Variants in PCDHA10 observed in about 807,000 individuals in gnomAD.
The protein encoded by PCDHA10 is protocadherin alpha 10.
In PCDHA10, 45 loss-of-function variants were observed where a neutral mutation model predicts 61.2. That is an observed-to-expected ratio of 0.74 (90% CI 0.58 to 0.94). The LOEUF (loss-of-function observed/expected upper bound fraction) is 0.94, where lower values mean the gene tolerates loss of function less well. Among genes scored for constraint, PCDHA10 ranks in the 40% least tolerant of loss-of-function variants. PCDHA10 has a pLI of 0.00. For missense variants in PCDHA10, 1,278 were observed against 1,236.2 expected (o/e 1.03, Z -0.51); for synonymous variants, 602 against 548.8 (o/e 1.10, Z -1.35).
chr5:140,863,076 G>C (rs782126148), intron 1 of PCDHA10: 2 of 570,034 alleles, frequency 3.5e-6, no homozygotes, highest in South Asian at 2.7e-5. Context: ...GGCTCTGCAC[G>C]GGCGAGATCA....
intron 1 of PCDHA10, chr5:140,871,107 G>A (rs1554165128): frequency 1.2e-6 from 2 of 1,613,306 alleles, no homozygotes; most frequent in Admixed American, 1.7e-5. Flanking sequence ...TGGTGTCGTT[G>A]GTGGAGAGCG....
chr5:140,952,822 G>A (rs1364476088), intron 1 of PCDHA10, among the ~76,000 whole-genome samples: 3 of 152,184 alleles, frequency 2.0e-5, no homozygotes, highest in Non-Finnish European at 4.4e-5. Context: ...TGTACAGGAA[G>A]CATGATGCTG....
chr5:140,884,568 C>T (rs2060268107), intron 1 of PCDHA10: 2 of 1,614,210 alleles, frequency 1.2e-6, no homozygotes, highest in Non-Finnish European at 1.7e-6. Flanking sequence ...CCGCATAAGA[C>T]GGACCTCATG....
At chr5:140,884,037 T>C (rs1260114488) in intron 1 of PCDHA10, 1 of 1,613,346 alleles carries the variant, frequency 6.2e-7, no homozygotes, top group Non-Finnish European at 8.5e-7. Flanking sequence ...GCAGGCCACG[T>C]GGTGGCGAAG....
chr5:140,862,677 G>T, intron 1 of PCDHA10: 1 of 550,930 alleles, frequency 1.8e-6, no homozygotes. Context: ...AGGAGAACGT[G>T]CTGGTGTCCT....
At chr5:140,982,226 A>G in intron 2 of PCDHA10, 1 of 603,292 alleles carries the variant, frequency 1.7e-6, no homozygotes, top group Non-Finnish European at 2.5e-6. Context: ...GCGTTAATAA[A>G]AAACAGAATT....
intron 1 of PCDHA10, among the ~76,000 whole-genome samples, chr5:140,942,396 A>G (rs1172739397): frequency 6.6e-6 from 1 of 151,922 alleles, no homozygotes; most frequent in Admixed American, 6.6e-5. Flanking sequence ...TGGGCGACAG[A>G]TGAGACTCTG....
chr5:140,895,413 C>T (rs141941836), intron 1 of PCDHA10, among the ~76,000 whole-genome samples: 52 of 152,240 alleles, frequency 3.4e-4, no homozygotes, highest in African/African-American at 1.0e-3. Flanking sequence ...GCCCCATAAC[C>T]TTCTTTTGCT....
chr5:140,859,547 A>G (rs1185528654), intron 1 of PCDHA10: 1 of 181,734 alleles, frequency 5.5e-6, no homozygotes, highest in Non-Finnish European at 1.1e-5. Flanking sequence ...TTCTAGTGTT[A>G]CCAAACACCA....
At chr5:140,916,327 A>G (rs1218792272) in intron 1 of PCDHA10, among the ~76,000 whole-genome samples, 5 of 152,226 alleles carry the variant, frequency 3.3e-5, no homozygotes, top group African/African-American at 1.2e-4. Context: ...AGTCCCCTTT[A>G]CTTTTTCCTC....
intron 1 of PCDHA10, chr5:140,865,437 T>G (rs951308725): frequency 2.0e-5 from 3 of 152,200 alleles, no homozygotes; most frequent in Admixed American, 6.5e-5. Flanking sequence ...GAAAAATAAC[T>G]TCTGAGAAGA....
At position 140,873,044 on chromosome 5, in the gene PCDHA10, A is replaced by T. The variant is rs115529200; in HGVS notation, c.2388+14608A>T. Among the ~76,000 whole-genome samples, 1,019 of 152,290 alleles carry T rather than the reference A, an allele frequency of 6.7e-3. 5 individuals are homozygous for T. Among genetic ancestry groups the T allele is most frequent in the Admixed American group, 0.012 (189 of 15,302 alleles). On this transcript the variant is annotated intron_variant, in intron 1 of 3. Coordinates refer to ENST00000307360, the MANE Select transcript of PCDHA10 (RefSeq NM_018901.4). ...TTCTTACTACACGTAGAGTGGTGGT[A>T]TTACAGACTTTCTTGAGAATCATAT...
At chr5:140,867,055 T>C (rs1177939308) in intron 1 of PCDHA10, 3 of 152,170 alleles carry the variant, frequency 2.0e-5, no homozygotes, top group African/African-American at 7.2e-5. Flanking sequence ...TGTTCAGTAC[T>C]ACTTTATATA....
chr5:140,982,224 A>G (rs893184323), intron 2 of PCDHA10: 8 of 587,202 alleles, frequency 1.4e-5, no homozygotes, highest in South Asian at 3.8e-5. Flanking sequence ...TGGCGTTAAT[A>G]AAAAACAGAA....
At chr5:140,878,110 A>T in intron 1 of PCDHA10, 1 of 249,264 alleles carries the variant, frequency 4.0e-6, no homozygotes, top group South Asian at 1.2e-4. Context: ...CTTGAAAAAA[A>T]CAGTATATTA....
intron 1 of PCDHA10, chr5:140,967,979 G>A (rs1405177525): frequency 1.2e-6 from 2 of 1,614,100 alleles, no homozygotes; most frequent in African/African-American, 1.3e-5. Flanking sequence ...CCTGGGTCTG[G>A]AGGCCACACT....
chr5:140,885,310 G>T (rs1554182115), intron 1 of PCDHA10, among the ~76,000 whole-genome samples: 1 of 152,038 alleles, frequency 6.6e-6, no homozygotes. Context: ...TAGGCTTTTT[G>T]TTATTATTTC....
At chr5:140,912,922 G>A (rs1554195623) in intron 1 of PCDHA10, among the ~76,000 whole-genome samples, 3 of 152,210 alleles carry the variant, frequency 2.0e-5, no homozygotes, top group African/African-American at 7.2e-5. Context: ...ATTTGTGTAT[G>A]TTGAATCATC....
intron 1 of PCDHA10, chr5:140,966,679 G>C (rs1554228549): frequency 8.3e-6 from 11 of 1,317,564 alleles, no homozygotes; most frequent in East Asian, 3.0e-5. Context: ...AGGGTGGCAC[G>C]AGCGGAGGCG....
Sources: allele counts gnomAD v4.1 joint callset (sites outside exome capture counted in the v4.1 genomes callset), GRCh38; gene constraint gnomAD v4.1.1; transcripts MANE v1.5; gene names NCBI Gene and HGNC (gene_info 2026-07-23, HGNC 2026-07-21).